TMEM135: variants seen among roughly 807,000 people sequenced by gnomAD.
TMEM135 encodes transmembrane protein 135.
In TMEM135, 30 loss-of-function variants were observed where a neutral mutation model predicts 60.3. That is an observed-to-expected ratio of 0.50 (90% CI 0.37 to 0.68). The LOEUF is 0.68. Ranked by LOEUF, TMEM135 falls within the 30% of genes least tolerant of loss-of-function variation. TMEM135 has a pLI of 0.00. For synonymous variants in TMEM135, 190 were observed against 186.7 expected (o/e 1.02, Z -0.14); for missense variants, 468 against 548.8 (o/e 0.85, Z 1.47).
intron 1 of TMEM135, among the ~76,000 whole-genome samples, chr11:87,056,958 A>AT (rs1420485995): frequency 2.0e-5 from 3 of 152,230 alleles, no homozygotes; most frequent in Non-Finnish European, 4.4e-5. Context: ...GTACTTAAGT[A>AT]TGCAGAAGAT....
At chr11:87,102,916 T>C (rs1445770138) in intron 4 of TMEM135, among the ~76,000 whole-genome samples, 1 of 152,026 alleles carries the variant, frequency 6.6e-6, no homozygotes, top group Non-Finnish European at 1.5e-5. Context: ...CTTGTCTCAC[T>C]GAAACTTATC....
At position 87,327,278 on chromosome 11, in the gene TMEM135, G is replaced by C. The variant is rs914298258; in HGVS notation, c.*5945G>C. 2 of 453,912 alleles carry C rather than the reference G, an allele frequency of 4.4e-6. No homozygotes were observed. Among genetic ancestry groups the C allele is most frequent in the Non-Finnish European group, 8.8e-6 (2 of 226,784 alleles). The allele number at this position is 453,912 out of a possible 1,614,324, so 28.1% of individuals were successfully genotyped here. A position where few individuals can be genotyped will look rare whatever the true frequency, so the allele number is the denominator to read the frequency against. On this transcript the variant is annotated 3_prime_UTR_variant, in exon 15 of 15. Transcript: ENST00000305494. ...TCTTTTTCTCTTGTTCAAGGTATTA[G>C]TATTAGTCAGTAGGGTCTGAATCTG...
intron 6 of TMEM135, among the ~76,000 whole-genome samples, chr11:87,242,744 G>C (rs1328257794): frequency 2.1e-5 from 3 of 139,974 alleles, no homozygotes; most frequent in Non-Finnish European, 4.7e-5. Flanking sequence ...TGTAGATTCT[G>C]GATATTAGCC....
intron 5 of TMEM135, among the ~76,000 whole-genome samples, chr11:87,217,705 A>C (rs978472047): frequency 6.6e-6 from 1 of 152,110 alleles, no homozygotes. Flanking sequence ...GAATCGCTTG[A>C]ACCAGGGAGG....
At chr11:87,269,418 A>G (rs1941818692) in intron 6 of TMEM135, among the ~76,000 whole-genome samples, 1 of 151,118 alleles carries the variant, frequency 6.6e-6, no homozygotes. Flanking sequence ...ATATGTATAC[A>G]TGTGCCATGC....
intron 5 of TMEM135, among the ~76,000 whole-genome samples, chr11:87,226,576 G>T (rs148200412): frequency 3.2e-4 from 48 of 152,222 alleles, no homozygotes; most frequent in African/African-American, 1.1e-3. Context: ...ACTTTAAATT[G>T]TCCTGTTTTT....
intron 5 of TMEM135, among the ~76,000 whole-genome samples, chr11:87,208,169 A>C (rs556497967): frequency 6.6e-6 from 1 of 152,320 alleles, no homozygotes; most frequent in African/African-American, 2.4e-5. Flanking sequence ...CTAAAAGCAG[A>C]GTGTCTTTTT....
Position 87,236,702 on chromosome 11 carries a change from T to A in TMEM135, c.509+18T>A. 3 of 1,607,040 alleles carry A rather than the reference T, an allele frequency of 1.9e-6. No individual in the cohort carries two copies. Among genetic ancestry groups the A allele is most frequent in the Non-Finnish European group, 2.6e-6 (3 of 1,174,246 alleles). ...TTTTTCAGGTATGTTCTGTTATACT[T>A]ATTTACTTTAATACCCCAAACAGTA... On this transcript the variant is annotated intron_variant, in intron 6 of 14. Coordinates refer to ENST00000305494, the MANE Select transcript of TMEM135 (RefSeq NM_022918.4).
At chr11:87,254,911 A>G (rs2135395200) in intron 6 of TMEM135, among the ~76,000 whole-genome samples, 1 of 152,222 alleles carries the variant, frequency 6.6e-6, no homozygotes, top group East Asian at 1.9e-4. Context: ...GAGCCAAGGC[A>G]GGAGGATTGT....
At chr11:87,282,140 T>G (rs188090720) in intron 6 of TMEM135, among the ~76,000 whole-genome samples, 6 of 152,234 alleles carry the variant, frequency 3.9e-5, no homozygotes, top group African/African-American at 1.4e-4. Flanking sequence ...TGAAAAGCTT[T>G]TATGAAGGGG....
At chr11:87,133,700 C>T (rs975100740) in intron 4 of TMEM135, among the ~76,000 whole-genome samples, 1 of 152,184 alleles carries the variant, frequency 6.6e-6, no homozygotes. Flanking sequence ...TTCAGCTTCT[C>T]CCTCCCACTT....
chr11:87,223,667 GCACACA>G (rs113588295), intron 5 of TMEM135, among the ~76,000 whole-genome samples: 101 of 118,464 alleles, frequency 8.5e-4, no homozygotes, highest in African/African-American at 2.5e-3. Flanking sequence ...GCACATGCAC[GCACACA>G]CACACACACA....
chr11:87,203,795 A>G (rs1591101431), intron 5 of TMEM135, among the ~76,000 whole-genome samples: 1 of 152,224 alleles, frequency 6.6e-6, no homozygotes, highest in Non-Finnish European at 1.5e-5. Context: ...CTGTCTTCCA[A>G]AGTGGCTGTA....
rs77018416 is a variant in TMEM135 at position 87,041,778 on chromosome 11, C to A, written c.141+3592C>A. ...TGAATGAATAAGCATATGAATAGTG[C>A]GGGAGTGAAGACATATTTGGCAGGT... On this transcript the variant is annotated intron_variant, in intron 1 of 14. Coordinates refer to ENST00000305494, the MANE Select transcript of TMEM135 (RefSeq NM_022918.4). 8.4e-3 allele frequency among the ~76,000 whole-genome samples: 1,273 copies of A among 152,180 alleles called. 23 individuals are homozygous for A. The highest frequency in any genetic ancestry group is 0.029 in the African/African-American group (1,220 of 41,516).
At chr11:87,205,405 A>G (rs1432391418) in intron 5 of TMEM135, among the ~76,000 whole-genome samples, 1 of 152,212 alleles carries the variant, frequency 6.6e-6, no homozygotes, top group Non-Finnish European at 1.5e-5. Context: ...TCATTAGTTT[A>G]TAATAGATTG....
At chr11:87,197,290 TTTTAA>T (rs1426916309) in intron 5 of TMEM135, among the ~76,000 whole-genome samples, 1 of 152,090 alleles carries the variant, frequency 6.6e-6, no homozygotes, top group African/African-American at 2.4e-5. Flanking sequence ...GTACATATTC[TTTTAA>T]TTTAATGCAA....
intron 4 of TMEM135, chr11:87,095,719 G>C (rs902595870): frequency 2.6e-5 from 4 of 154,648 alleles, no homozygotes; most frequent in African/African-American, 9.7e-5. Context: ...GCTCACACCT[G>C]TAATCCCAGC....
In TMEM135 at chr11:87,247,713, G is replaced by A. The variant is rs111635730; in HGVS notation, c.509+11029G>A. 6.5e-4 allele frequency among the ~76,000 whole-genome samples: 99 copies of A among 152,294 alleles called. 2 individuals are homozygous for A. The highest frequency in any genetic ancestry group is 2.3e-3 in the African/African-American group (94 of 41,566). ...CGTTTTTTAAGCCTGTCGGAAAAGC[G>A]CAGTATTAGGGTGGGAGTGACCCGA... On this transcript the variant is annotated intron_variant, in intron 6 of 14. Coordinates refer to ENST00000305494, the MANE Select transcript of TMEM135 (RefSeq NM_022918.4).
At chr11:87,105,626 T>G (rs1857575937) in intron 4 of TMEM135, among the ~76,000 whole-genome samples, 1 of 152,172 alleles carries the variant, frequency 6.6e-6, no homozygotes, top group South Asian at 2.1e-4. Context: ...AACACTTAAA[T>G]GGATATATAT....
Sources: gnomAD v4.1 joint callset for allele counts (sites outside exome capture counted in the v4.1 genomes callset) on GRCh38, gnomAD v4.1.1 for gene constraint, MANE v1.5 for transcripts, NCBI Gene and HGNC (gene_info 2026-07-23, HGNC 2026-07-21) for gene names.